The following URI1 variants were observed in gnomAD, a reference collection of about 807,000 sequenced individuals.
URI1 encodes unconventional prefoldin RPB5 interactor 1.
Under a neutral mutation model 60.2 loss-of-function variants are expected in URI1, and 39 were observed. The ratio of observed to expected loss-of-function variants is 0.65; its 90% CI spans 0.50 to 0.85. The LOEUF (loss-of-function observed/expected upper bound fraction) is 0.85, where lower values mean the gene tolerates loss of function less well. Ranked by LOEUF, URI1 falls within the 40% of genes least tolerant of loss-of-function variation. The probability of loss-of-function intolerance (pLI) is 0.00; values close to 1 mark genes in which losing one functional copy is unlikely to be tolerated. For synonymous variants in URI1, 251 were observed against 236.8 expected (o/e 1.06, Z -0.55); for missense variants, 691 against 665.9 (o/e 1.04, Z -0.42).
chr19:29,924,471 T>G (rs1275543976), intron 1 of URI1, among the ~76,000 whole-genome samples: 1 of 152,186 alleles, frequency 6.6e-6, no homozygotes, highest in Non-Finnish European at 1.5e-5. Flanking sequence ...GTTTCTGTCA[T>G]TTTTTAGCCA....
intron 2 of URI1, among the ~76,000 whole-genome samples, chr19:29,977,074 T>TAACCAAG (rs1161974544): frequency 6.6e-6 from 1 of 151,150 alleles, no homozygotes; most frequent in Non-Finnish European, 1.5e-5. Flanking sequence ...TAGTAGGAAA[T>TAACCAAG]AACCAAGAAA....
chr19:29,984,436 A>G (rs893804951), intron 2 of URI1, among the ~76,000 whole-genome samples: 1 of 152,138 alleles, frequency 6.6e-6, no homozygotes, highest in Non-Finnish European at 1.5e-5. Flanking sequence ...CTTAAAATAA[A>G]TAAATCTCTT....
chr19:30,003,976 A>T (rs1200669423), intron 4 of URI1, among the ~76,000 whole-genome samples: 1 of 152,072 alleles, frequency 6.6e-6, no homozygotes, highest in Non-Finnish European at 1.5e-5. Flanking sequence ...AACTGCCGAC[A>T]TAGTTTTATG....
chr19:29,987,617 A>T (rs1218566509), intron 4 of URI1, among the ~76,000 whole-genome samples: 1 of 152,222 alleles, frequency 6.6e-6, no homozygotes, highest in Admixed American at 6.5e-5. Flanking sequence ...GATGTTATGA[A>T]ATGAATCCAT....
At chr19:29,933,276 A>G (rs2054938287) in intron 1 of URI1, among the ~76,000 whole-genome samples, 1 of 152,190 alleles carries the variant, frequency 6.6e-6, no homozygotes, top group Non-Finnish European at 1.5e-5. Context: ...CTTTTTGATT[A>G]CTGATTCAAT....
chr19:29,958,157 G>C (rs1244304583), intron 1 of URI1: 3 of 152,084 alleles, frequency 2.0e-5, no homozygotes, highest in Non-Finnish European at 4.4e-5. Flanking sequence ...GTTACATACA[G>C]GCATGTTGTT....
chr19:29,969,899 T>A (rs2055436904), intron 1 of URI1, among the ~76,000 whole-genome samples: 1 of 152,182 alleles, frequency 6.6e-6, no homozygotes, highest in Admixed American at 6.5e-5. Flanking sequence ...ATATTGCCAC[T>A]GTTATTAAGT....
At chr19:29,949,632 G>A (rs1183494382) in intron 1 of URI1, among the ~76,000 whole-genome samples, 4 of 152,236 alleles carry the variant, frequency 2.6e-5, no homozygotes, top group African/African-American at 9.6e-5. Context: ...TGAGCACTGA[G>A]TGAACGAGAC....
At chr19:29,933,402 G>A (rs2145201197) in intron 1 of URI1, among the ~76,000 whole-genome samples, 1 of 152,264 alleles carries the variant, frequency 6.6e-6, no homozygotes, top group East Asian at 1.9e-4. Context: ...ATTTTTTGGA[G>A]TACAATTGTT....
At position 29,961,030 on chromosome 19, in the gene URI1, A is replaced by AT. The variant is rs892996752; in HGVS notation, c.118-10152dup. On this transcript the variant is annotated intron_variant, in intron 1 of 10. Transcript: ENST00000392271. Reference sequence around the variant, plus strand: ...TGGGCCTAGCTAATTAAAAAAAAAAATTTTTTTTTTTGTATAGACAGGGAC... The same window carrying AT: ...TGGGCCTAGCTAATTAAAAAAAAAAATTTTTTTTTTTTGTATAGACAGGGAC... Among the ~76,000 whole-genome samples, 201 of 147,122 alleles carry AT rather than the reference A, an allele frequency of 1.4e-3. 5 individuals carry two copies. The highest frequency in any genetic ancestry group is 4.3e-3 in the African/African-American group (172 of 40,126).
chr19:29,947,335 T>C (rs1048946925), intron 1 of URI1, among the ~76,000 whole-genome samples: 1 of 152,236 alleles, frequency 6.6e-6, no homozygotes, highest in African/African-American at 2.4e-5. Context: ...ACAGATCCGA[T>C]CTTAGAATTT....
chr19:29,961,614 G>A (rs534944047), intron 1 of URI1, among the ~76,000 whole-genome samples: 3 of 150,134 alleles, frequency 2.0e-5, no homozygotes, highest in African/African-American at 7.3e-5. Flanking sequence ...GTGATTTTGA[G>A]TAATGCTGCT....
At chr19:29,971,014 T>C (rs1473795043) in intron 1 of URI1, 179 bp from the exon 2 acceptor site, 1 of 613,582 alleles carries the variant, frequency 1.6e-6, no homozygotes, top group Non-Finnish European at 2.9e-6. Flanking sequence ...TAGAGGGTTA[T>C]GATAAAGTGT....
chr19:29,949,052 G>C (rs2145245410), intron 1 of URI1, among the ~76,000 whole-genome samples: 1 of 147,064 alleles, frequency 6.8e-6, no homozygotes, highest in Admixed American at 6.7e-5. Flanking sequence ...CCGGGCGGGG[G>C]CTGCCCCCCG....
At chr19:30,014,127 C>T (rs959601257) in intron 10 of URI1, 6 of 151,050 alleles carry the variant, frequency 4.0e-5, no homozygotes, top group African/African-American at 9.7e-5. Context: ...TTGTATAAAA[C>T]GACATGTACA....
chr19:29,987,889 C>T (rs375345630), intron 4 of URI1, among the ~76,000 whole-genome samples: 29 of 152,094 alleles, frequency 1.9e-4, no homozygotes, highest in East Asian at 3.9e-4. Flanking sequence ...AATTCTGGGC[C>T]GGGCGCAGGG....
In URI1 at chr19:30,012,531, GGTGT is replaced by G. The variant is rs769935900; in HGVS notation, c.1425+9_1425+12del. The stretch of plus-strand genomic sequence containing the variant: ...TTTTGCCCTTATCAGTAACACCTGA[GGTGT>G]GTGTGTGTATCTTTTAATTCTTTAT... On this transcript the variant is annotated splice_donor_variant and splice_donor_region_variant and intron_variant, in intron 10 of 10. Coordinates refer to ENST00000392271, the MANE Select transcript of URI1 (RefSeq NM_003796.3). LOFTEE classifies it high-confidence loss of function. 1.2e-6 allele frequency: 2 copies of G among 1,613,446 alleles called. No homozygotes were observed. Among genetic ancestry groups the G allele is most frequent in the South Asian group, 1.1e-5 (1 of 91,022 alleles).
At position 29,945,844 on chromosome 19, in the gene URI1, T is replaced by C. The variant is rs2055096303; in HGVS notation, c.117+3180T>C. Among the ~76,000 whole-genome samples the C allele has an allele frequency of 2.6e-5, 4 of 152,038 alleles. No individual in the cohort carries two copies. The South Asian group carries it at 8.3e-4, about 31-fold the overall frequency. ...CAATTTTATTATTTTACCTAAAAGT[T>C]TGTAAAATTGGATGGGATTTTTTTT... On this transcript the variant is annotated intron_variant, in intron 1 of 10. Coordinates refer to ENST00000392271, the MANE Select transcript of URI1 (RefSeq NM_003796.3).
intron 1 of URI1, among the ~76,000 whole-genome samples, chr19:29,970,260 T>G (rs2055443239): frequency 6.6e-6 from 1 of 151,480 alleles, no homozygotes; most frequent in South Asian, 2.1e-4. Context: ...TGCTGCTCTC[T>G]TTTTCTCATG....
Sources: allele counts gnomAD v4.1 joint callset (sites outside exome capture counted in the v4.1 genomes callset), GRCh38; gene constraint gnomAD v4.1.1; transcripts MANE v1.5; gene names NCBI Gene and HGNC (gene_info 2026-07-23, HGNC 2026-07-21).